The following CCDC7 variants were observed in gnomAD, a reference collection of about 807,000 sequenced individuals.
The protein encoded by CCDC7 is coiled-coil domain containing 7, also known as coiled-coil domain-containing protein 7.
In CCDC7, 183 loss-of-function variants were observed where a neutral mutation model predicts 196.9. The observed-to-expected ratio is 0.93, with a 90% confidence interval of 0.82 to 1.05. The LOEUF (loss-of-function observed/expected upper bound fraction) is 1.05, where lower values mean the gene tolerates loss of function less well. Ranked by LOEUF, CCDC7 falls within the 50% of genes least tolerant of loss-of-function variation. The probability of loss-of-function intolerance (pLI) is 0.00; values close to 1 mark genes in which losing one functional copy is unlikely to be tolerated. For missense variants in CCDC7, 1,540 were observed against 1,482.2 expected (o/e 1.04, Z -0.64); for synonymous variants, 525 against 484.6 (o/e 1.08, Z -1.10).
chr10:32,479,133 G>C (rs117700185), intron 8 of CCDC7, among the ~76,000 whole-genome samples: 8 of 151,954 alleles, frequency 5.3e-5, no homozygotes, highest in Admixed American at 3.3e-4. Flanking sequence ...CCATGTGGTC[G>C]GTAGGGATGG....
chr10:32,633,668 T>C (rs979233655), intron 18 of CCDC7, among the ~76,000 whole-genome samples: 1 of 143,480 alleles, frequency 7.0e-6, no homozygotes, highest in African/African-American at 2.5e-5. Flanking sequence ...CTAATTCTAT[T>C]GATTTAGCTT....
chr10:32,474,110 G>C, intron 8 of CCDC7, 87 bp downstream of exon 9: 1 of 1,352,602 alleles, frequency 7.4e-7, no homozygotes, highest in Non-Finnish European at 9.9e-7. Context: ...GGTTAACAGT[G>C]CAGACTCCTT....
chr10:32,650,809 T>C (rs1324579788), intron 20 of CCDC7, among the ~76,000 whole-genome samples: 2 of 152,188 alleles, frequency 1.3e-5, no homozygotes, highest in South Asian at 2.1e-4. Context: ...GTGTGGGATC[T>C]GAAGGGCTCC....
intron 31 of CCDC7, among the ~76,000 whole-genome samples, chr10:32,817,775 A>G (rs2089109381): frequency 6.6e-6 from 1 of 152,230 alleles, no homozygotes; most frequent in Non-Finnish European, 1.5e-5. Context: ...TCCTTTACAG[A>G]CAAGCAAATG....
chr10:32,560,188 A>G (rs1016377158), intron 13 of CCDC7, among the ~76,000 whole-genome samples: 5 of 152,252 alleles, frequency 3.3e-5, no homozygotes, highest in African/African-American at 9.6e-5. Flanking sequence ...GACCAAATCT[A>G]TGTCTGATTG....
chr10:32,471,186 A>T (rs1451721132), exon 6 of CCDC7: 1 of 1,612,134 alleles, frequency 6.2e-7, no homozygotes, highest in Non-Finnish European at 8.5e-7. Flanking sequence ...ATCGCCTTAA[A>T]CAGAGGTCTA....
At chr10:32,751,153 C>A (rs962297403) in intron 28 of CCDC7, among the ~76,000 whole-genome samples, 10 of 151,758 alleles carry the variant, frequency 6.6e-5, no homozygotes, top group Admixed American at 5.9e-4. Context: ...TAACCCAAAC[C>A]TTTATTGTTA....
intron 21 of CCDC7, among the ~76,000 whole-genome samples, chr10:32,674,280 G>C (rs1407242122): frequency 6.6e-6 from 1 of 151,676 alleles, no homozygotes; most frequent in Non-Finnish European, 1.5e-5. Flanking sequence ...GTATATTTTA[G>C]TTTTGTGGAT....
chr10:32,600,173 T>G (rs962354638), intron 18 of CCDC7, among the ~76,000 whole-genome samples: 8 of 151,950 alleles, frequency 5.3e-5, no homozygotes, highest in Non-Finnish European at 1.2e-4. Context: ...GTCATTTTTA[T>G]GATATTCTTC....
intron 20 of CCDC7, among the ~76,000 whole-genome samples, chr10:32,637,680 T>C (rs2065903603): frequency 6.6e-6 from 1 of 152,222 alleles, no homozygotes; most frequent in African/African-American, 2.4e-5. Flanking sequence ...TCCAGCTTTG[T>C]TCTTTTGGCT....
chr10:32,695,073 A>G, intron 24 of CCDC7, 81 bp downstream of exon 25: 1 of 628,774 alleles, frequency 1.6e-6, no homozygotes, highest in Non-Finnish European at 2.5e-6. Context: ...ATGACTATGT[A>G]GTTGAGCATA....
At chr10:32,844,039 GGGTCATTATA>G (rs2093138842) in intron 33 of CCDC7, among the ~76,000 whole-genome samples, 1 of 151,782 alleles carries the variant, frequency 6.6e-6, no homozygotes. Context: ...TATGGTATCT[GGGTCATTATA>G]GGTTTCCAAC....
At chr10:32,690,503 A>G (rs1290211332) in intron 23 of CCDC7, among the ~76,000 whole-genome samples, 1 of 152,210 alleles carries the variant, frequency 6.6e-6, no homozygotes, top group African/African-American at 2.4e-5. Flanking sequence ...AACTGTAGTC[A>G]CTTGTGTCTT....
intron 41 of CCDC7, among the ~76,000 whole-genome samples, chr10:32,868,776 T>A (rs2094310185): frequency 7.1e-6 from 1 of 140,688 alleles, no homozygotes; most frequent in Non-Finnish European, 1.5e-5. Flanking sequence ...TGTCCACGTG[T>A]TCTCACTGTT....
rs568916907 is a variant in CCDC7, at chr10:32,734,035, C to T, written c.2905+4578C>T. Among the ~76,000 whole-genome samples the T allele has an allele frequency of 1.5e-3, 227 of 152,210 alleles. 2 individuals carry two copies. Among genetic ancestry groups the T allele is most frequent in the African/African-American group, 5.2e-3 (216 of 41,538 alleles). ...AACAGTATGGTGATTCTTCAGAGAG[C>T]TAAAAGCAGAACTACCATTCAACAC... is the stretch of plus-strand genomic sequence containing the variant. On this transcript the variant is annotated intron_variant, in intron 28 of 41. Coordinates refer to ENST00000639629, the Ensembl canonical transcript of CCDC7.
chr10:32,871,099 A>T (rs2094412308), intron 41 of CCDC7, among the ~76,000 whole-genome samples: 2 of 152,098 alleles, frequency 1.3e-5, no homozygotes, highest in Admixed American at 1.3e-4. Context: ...TGGTATCAGG[A>T]TGATGCTGGC....
At chr10:32,872,813 G>T (rs1336197371) in intron 41 of CCDC7, among the ~76,000 whole-genome samples, 2 of 152,018 alleles carry the variant, frequency 1.3e-5, no homozygotes, top group African/African-American at 4.8e-5. Flanking sequence ...AGTTTGGCTG[G>T]ATATGAAATT....
intron 11 of CCDC7, among the ~76,000 whole-genome samples, chr10:32,542,107 T>C (rs567113411): frequency 6.6e-6 from 1 of 152,320 alleles, no homozygotes; most frequent in South Asian, 2.1e-4. Flanking sequence ...TCTAGTCAGC[T>C]ATCTTGTCCA....
Position 32,517,974 on chromosome 10 carries a change from C to A in CCDC7, c.902C>A (p.Ala301Asp). ...GTAAATGATCAAGTTTTGTTAGATGCTGTAAGTATAGTACTCTCAATTTGA... is the reference window on the plus strand; with the variant it reads ...GTAAATGATCAAGTTTTGTTAGATGATGTAAGTATAGTACTCTCAATTTGA... The change falls in exon 10 of 42, where the codon GCT becomes GAT. Residue 301 changes from alanine to aspartate, a missense_variant and splice_region_variant. Physicochemically the swap from Ala to Asp is moderately radical, Grantham distance 126 (BLOSUM62 -2). Transcript: ENST00000639629. 3 of 1,583,666 alleles carry A rather than the reference C, an allele frequency of 1.9e-6. No homozygotes were observed. In the East Asian group the frequency reaches 7.0e-5, roughly 37 times the overall value.
Sources: gnomAD v4.1 joint callset for allele counts (sites outside exome capture counted in the v4.1 genomes callset) on GRCh38, gnomAD v4.1.1 for gene constraint, MANE v1.5 for transcripts, NCBI Gene and HGNC (gene_info 2026-07-23, HGNC 2026-07-21) for gene names.